PPM1H: variants seen among roughly 807,000 people sequenced by gnomAD.
PPM1H encodes protein phosphatase 1H.
A neutral mutation model predicts 54.9 loss-of-function variants in PPM1H; 27 were observed. That is an observed-to-expected ratio of 0.49 (90% CI 0.36 to 0.68). The LOEUF (loss-of-function observed/expected upper bound fraction) is 0.68, where lower values mean the gene tolerates loss of function less well. Among genes scored for constraint, PPM1H ranks in the 30% least tolerant of loss-of-function variants. The pLI, the probability that PPM1H is intolerant of heterozygous loss-of-function variation, is 0.00. For synonymous variants in PPM1H, 305 were observed against 270.8 expected (o/e 1.13, Z -1.24); for missense variants, 596 against 667.8 (o/e 0.89, Z 1.19).
intron 4 of PPM1H, among the ~76,000 whole-genome samples, chr12:62,745,645 A>G (rs2076406209): frequency 6.6e-6 from 1 of 152,226 alleles, no homozygotes; most frequent in Non-Finnish European, 1.5e-5. Flanking sequence ...CATCTGTTTC[A>G]GGAGCCACTA....
intron 1 of PPM1H, among the ~76,000 whole-genome samples, chr12:62,914,324 A>T (rs1871554323): frequency 6.6e-6 from 1 of 152,200 alleles, no homozygotes; most frequent in Admixed American, 6.5e-5. Flanking sequence ...CCAGATGCCC[A>T]ATCTTCCAGC....
At chr12:62,857,776 C>A (rs1050426438) in intron 1 of PPM1H, among the ~76,000 whole-genome samples, 2 of 152,154 alleles carry the variant, frequency 1.3e-5, no homozygotes, top group East Asian at 3.9e-4. Flanking sequence ...GCTCTTTATA[C>A]TAGCCCCTCA....
chr12:62,922,899 G>C (rs1208644812), intron 1 of PPM1H, among the ~76,000 whole-genome samples: 1 of 152,210 alleles, frequency 6.6e-6, no homozygotes, highest in African/African-American at 2.4e-5. Flanking sequence ...GCCACCAGCT[G>C]AAAAGAGGAG....
intron 4 of PPM1H, among the ~76,000 whole-genome samples, chr12:62,739,342 A>T (rs551666696): frequency 6.6e-6 from 1 of 152,188 alleles, no homozygotes; most frequent in East Asian, 1.9e-4. Flanking sequence ...GGTGAGTATG[A>T]CTATAACAAG....
chr12:62,918,451 T>G (rs565671005), intron 1 of PPM1H, among the ~76,000 whole-genome samples: 14 of 152,356 alleles, frequency 9.2e-5, no homozygotes, highest in Admixed American at 2.0e-4. Context: ...TAATGCTTTT[T>G]AATCAGTATG....
intron 2 of PPM1H, 125 bp from the exon 3 acceptor site, chr12:62,802,285 G>A (rs1454616790): frequency 4.4e-6 from 3 of 682,656 alleles, no homozygotes; most frequent in Non-Finnish European, 6.9e-6. Context: ...AAACAATGCG[G>A]TCAAAACATA....
At chr12:62,814,021 G>T (rs980120821) in intron 2 of PPM1H, among the ~76,000 whole-genome samples, 6 of 151,962 alleles carry the variant, frequency 3.9e-5, no homozygotes, top group African/African-American at 1.2e-4. Flanking sequence ...ATACTTTATG[G>T]ATACACAGTA....
intron 1 of PPM1H, among the ~76,000 whole-genome samples, chr12:62,919,727 CAGCACAAGTCCTCATGG>C (rs1871734057): frequency 6.6e-6 from 1 of 152,136 alleles, no homozygotes; most frequent in East Asian, 1.9e-4. Context: ...GAGGAATTTA[CAGCACAAGTCCTCATGG>C]AGCCCAGAAC....
chr12:62,694,511 A>G (rs980747906), intron 6 of PPM1H, among the ~76,000 whole-genome samples: 4 of 152,190 alleles, frequency 2.6e-5, no homozygotes, highest in African/African-American at 9.7e-5. Context: ...TTTGTTTCAC[A>G]ATAGCTTTTA....
chr12:62,670,125 G>GCC (rs2075948552), intron 8 of PPM1H, among the ~76,000 whole-genome samples: 2 of 151,654 alleles, frequency 1.3e-5, no homozygotes, highest in Admixed American at 6.6e-5. Flanking sequence ...TTACAGGCAT[G>GCC]TGCCACCACG....
intron 1 of PPM1H, among the ~76,000 whole-genome samples, chr12:62,873,738 G>T (rs1268059892): frequency 6.6e-6 from 1 of 152,224 alleles, no homozygotes; most frequent in East Asian, 1.9e-4. Flanking sequence ...GTAAAAGTTT[G>T]TGGGGACGGG....
intron 8 of PPM1H, among the ~76,000 whole-genome samples, chr12:62,670,051 C>T (rs550193986): frequency 5.8e-4 from 75 of 128,916 alleles, no homozygotes; most frequent in African/African-American, 2.0e-3. Context: ...GATCTCAGCT[C>T]ACTGCAACCT....
rs923914364 is a variant in PPM1H at position 62,830,472 on chromosome 12, G to C, written c.411+1642C>G. On this transcript the variant is annotated intron_variant, in intron 2 of 9. Transcript: ENST00000228705. ...GGGTGTCACTGTGTTAGCCAGGATG[G>C]TCTCGATCTCCTGACCTCGTGATCT... Among the ~76,000 whole-genome samples the C allele has an allele frequency of 2.0e-5, 3 of 152,256 alleles. No homozygotes were observed. The South Asian group carries it at 6.2e-4, about 32-fold the overall frequency.
At chr12:62,831,504 T>G (rs562026879) in intron 2 of PPM1H, among the ~76,000 whole-genome samples, 7 of 151,996 alleles carry the variant, frequency 4.6e-5, no homozygotes, top group Non-Finnish European at 1.0e-4. Flanking sequence ...TTTGGGCCAA[T>G]TGAAATAGAT....
chr12:62,744,187 A>AAAAAG (rs1555193547), intron 4 of PPM1H, among the ~76,000 whole-genome samples: 2 of 146,096 alleles, frequency 1.4e-5, no homozygotes, highest in Admixed American at 6.8e-5. Flanking sequence ...AAAAAAAAAA[A>AAAAAG]AGGCCAGGCG....
intron 9 of PPM1H, among the ~76,000 whole-genome samples, chr12:62,653,507 TTA>T (rs1433090148): frequency 6.6e-6 from 1 of 152,248 alleles, no homozygotes; most frequent in African/African-American, 2.4e-5. Flanking sequence ...TCTTCTGACC[TTA>T]TGATTCTATT....
intron 3 of PPM1H, 94 bp downstream of exon 3, chr12:62,801,722 C>G: frequency 5.1e-6 from 7 of 1,370,796 alleles, no homozygotes; most frequent in Non-Finnish European, 6.0e-6. Context: ...GGCAGCAAAA[C>G]CGTGCGCTTT....
Position 62,934,935 on chromosome 12 carries a change from GC to G in PPM1H, c.-200del. ...TCTCGTGCTTAGTGCCGCGGTGGCC[GC>G]CGCCTCCCCCCGCTACACTTCCGCA... is the stretch of plus-strand genomic sequence containing the variant. On this transcript the variant is annotated 5_prime_UTR_variant, in exon 1 of 10. The change abolishes the stop of an existing upstream ORF in the 5' untranslated region. Coordinates refer to ENST00000228705, the MANE Select transcript of PPM1H (RefSeq NM_020700.2). The surrounding 1 kb of genome is among the most constrained non-coding windows in gnomAD (Gnocchi z 4.2). 1 of 344,390 alleles carries G rather than the reference GC, an allele frequency of 2.9e-6. No homozygotes were observed. The highest frequency in any genetic ancestry group is 6.2e-5 in the East Asian group (1 of 16,250). 21.3% of individuals were successfully genotyped at this position (344,390 alleles called of 1,614,324 possible).
chr12:62,695,987 G>A (rs1215845261), intron 6 of PPM1H, among the ~76,000 whole-genome samples: 1 of 152,184 alleles, frequency 6.6e-6, no homozygotes, highest in Non-Finnish European at 1.5e-5. Context: ...GAGGAGCCTG[G>A]ATCTGGTGTA....
Sources: allele counts gnomAD v4.1 joint callset (sites outside exome capture counted in the v4.1 genomes callset), GRCh38; gene constraint gnomAD v4.1.1; non-coding constraint Gnocchi (gnomAD v3.1); transcripts MANE v1.5; gene names NCBI Gene and HGNC (gene_info 2026-07-23, HGNC 2026-07-21).